Variants in ERRFI1 observed in about 807,000 individuals in gnomAD.
ERRFI1 encodes the protein ERBB receptor feedback inhibitor 1.
A neutral mutation model predicts 14.6 loss-of-function variants in ERRFI1; 12 were observed. That is an observed-to-expected ratio of 0.82 (90% CI 0.53 to 1.33). ERRFI1 has a LOEUF of 1.33. Ranked by LOEUF, ERRFI1 falls within the 40% of genes most tolerant of loss-of-function variation. The pLI, the probability that ERRFI1 is intolerant of heterozygous loss-of-function variation, is 0.00. For synonymous variants in ERRFI1, 202 were observed against 209.9 expected, an observed-to-expected ratio of 0.96 and a Z score of 0.32; for missense variants, 482 against 572.1, an observed-to-expected ratio of 0.84 and a Z score of 1.61.
intron 1 of ERRFI1, 44 bp from the exon 2 acceptor site, chr1:8,015,736 A>G: frequency 7.7e-7 from 1 of 1,294,284 alleles, no homozygotes. Flanking sequence ...ACAATTCAGA[A>G]ATACCTCCAT....
At position 8,014,193 on chromosome 1, in the gene ERRFI1, A is replaced by T. The variant is rs779170122; in HGVS notation, c.406T>A (p.Ser136Thr). Residue 136 changes from serine to threonine, a missense_variant, in exon 4 of 4, where the codon TCC becomes ACC. Coordinates refer to ENST00000377482, the MANE Select transcript of ERRFI1 (RefSeq NM_018948.4). The stretch of plus-strand genomic sequence containing the variant: ...GGGGCACAGGGGAAAAGGGAAGGGG[A>T]GTTTTTTATGGGTGTCAGTGGAGGG... ...STPPLTPIKN[S>T]PSLFPCAPLC... 1.9e-6 allele frequency: 3 copies of T among 1,613,950 alleles called. No individual in the cohort carries two copies. The East Asian group carries it at 6.7e-5, about 36-fold the overall frequency.
At position 8,013,979 on chromosome 1, in the gene ERRFI1, A is replaced by G; in HGVS notation, c.620T>C (p.Ile207Thr). ...TGGGGTATCAAAATATGCATAGTTG[A>G]TTTGTCCACACCCACGGAAGCTTCG... The part of the protein sequence containing the change: ...GRRSFRGCGQ[I>T]NYAYFDTPAV... Residue 207 changes from isoleucine (I) to threonine (T), a missense_variant, in exon 4 of 4, where the codon ATC (isoleucine) becomes ACC (threonine). Coordinates refer to ENST00000377482, the MANE Select transcript of ERRFI1 (RefSeq NM_018948.4). This position sits in a 1 kb window ranked among gnomAD's most constrained non-coding sequence, Gnocchi z 4.3. 1 of 1,614,148 alleles carries G rather than the reference A, an allele frequency of 6.2e-7. No individual in the cohort carries two copies. The highest frequency in any genetic ancestry group is 8.5e-7 in the Non-Finnish European group (1 of 1,180,026).
Position 8,013,091 on chromosome 1 carries a change from CAG to C in ERRFI1, c.*117_*118del, listed in dbSNP as rs1159313343. The stretch of plus-strand genomic sequence containing the variant: ...CTGCTCTAAACCTTCCACATGAAGA[CAG>C]AGAGTTCAACTATTTTATTTTGCAA... On this transcript the variant is annotated 3_prime_UTR_variant, in exon 4 of 4. Transcript: ENST00000377482. This position sits in a 1 kb window ranked among gnomAD's most constrained non-coding sequence, Gnocchi z 4.3. The C allele has an allele frequency of 3.2e-5, 28 of 862,324 alleles. No homozygotes were observed. The highest frequency in any genetic ancestry group is 2.2e-4 in the South Asian group (12 of 53,892). 53.4% of individuals were successfully genotyped at this position (862,324 alleles called of 1,614,324 possible).
At chr1:8,015,744 C>T in intron 1 of ERRFI1, 52 bp from the exon 2 acceptor site, 1 of 1,192,020 alleles carries the variant, frequency 8.4e-7, no homozygotes, top group Non-Finnish European at 1.2e-6. Flanking sequence ...GAAATACCTC[C>T]ATTAGGACAG....
In ERRFI1 at chr1:8,012,004, G is replaced by A. The variant is rs932113868; in HGVS notation, c.*1206C>T. The A allele has an allele frequency of 4.4e-6, 1 of 229,136 alleles. No individual in the cohort carries two copies. The highest frequency in any genetic ancestry group is 8.7e-6 in the Non-Finnish European group (1 of 115,274). 14.2% of individuals were successfully genotyped at this position (229,136 alleles called of 1,614,324 possible). On this transcript the variant is annotated 3_prime_UTR_variant, in exon 4 of 4. Coordinates refer to ENST00000377482, the MANE Select transcript of ERRFI1 (RefSeq NM_018948.4). ...TGTTAGTGAGCACCTTCTCTTCTGTGCTTATCTCTTCAAGATAAATACATG... is the reference window on the plus strand; with the variant it reads ...TGTTAGTGAGCACCTTCTCTTCTGTACTTATCTCTTCAAGATAAATACATG...
chr1:8,014,559 TAGAG>T (rs1416052829), intron 3 of ERRFI1, 163 bp from the exon 4 acceptor site: 1 of 623,542 alleles, frequency 1.6e-6, no homozygotes, highest in Non-Finnish European at 2.7e-6. Flanking sequence ...CAGGTGTAAT[TAGAG>T]AGCAGAAGAT....
rs376892066 is a variant in ERRFI1 at position 8,015,479 on chromosome 1, T to C, written c.125+16A>G. 7.4e-6 allele frequency: 12 copies of C among 1,614,146 alleles called. No individual in the cohort carries two copies. Among genetic ancestry groups the C allele is most frequent in the Non-Finnish European group, 1.0e-5 (12 of 1,179,956 alleles). On this transcript the variant is annotated intron_variant, in intron 2 of 3. Coordinates refer to ENST00000377482, the MANE Select transcript of ERRFI1 (RefSeq NM_018948.4). ...ATATTTATCCAGATTACAGCAGCAT[T>C]ACATCCTCTACTTACTTTTTAAACT...
At chr1:8,018,322 TTC>T (rs965682950) in intron 1 of ERRFI1, among the ~76,000 whole-genome samples, 1 of 132,426 alleles carries the variant, frequency 7.6e-6, no homozygotes, top group Non-Finnish European at 1.5e-5. Flanking sequence ...ACCTGAAACT[TTC>T]TCTCTCTCTA....
intron 1 of ERRFI1, among the ~76,000 whole-genome samples, chr1:8,017,026 T>C (rs1359869123): frequency 6.6e-6 from 1 of 151,990 alleles, no homozygotes; most frequent in Non-Finnish European, 1.5e-5. Context: ...AATCAGTACC[T>C]GGAACATTAG....
Position 8,011,988 on chromosome 1 carries a change from G to A in ERRFI1, c.*1222C>T. On this transcript the variant is annotated 3_prime_UTR_variant, in exon 4 of 4. Transcript: ENST00000377482. Reference sequence around the variant, plus strand: ...TGCAGTAATGTACCTCTGTTAGTGAGCACCTTCTCTTCTGTGCTTATCTCT... The same window carrying A: ...TGCAGTAATGTACCTCTGTTAGTGAACACCTTCTCTTCTGTGCTTATCTCT... 4.4e-6 allele frequency: 1 copy of A among 228,956 alleles called. No homozygotes were observed. Among genetic ancestry groups the A allele is most frequent in the East Asian group, 6.3e-5 (1 of 15,988 alleles). 14.2% of individuals were successfully genotyped at this position (228,956 alleles called of 1,614,324 possible).
intron 1 of ERRFI1, among the ~76,000 whole-genome samples, chr1:8,025,170 C>A (rs1641326314): frequency 6.6e-6 from 1 of 152,160 alleles, no homozygotes; most frequent in South Asian, 2.1e-4. Flanking sequence ...TCCATTCTGA[C>A]TTAAGTTTAT....
Position 8,013,119 on chromosome 1 carries a change from T to C in ERRFI1, c.*91A>G. ...AGAGTTCAACTATTTTATTTTGCAA[T>C]CTAAGGGATTTTTCTCTGCACTTCA... On this transcript the variant is annotated 3_prime_UTR_variant, in exon 4 of 4. Coordinates refer to ENST00000377482, the MANE Select transcript of ERRFI1 (RefSeq NM_018948.4). This position sits in a 1 kb window ranked among gnomAD's most constrained non-coding sequence, Gnocchi z 4.3. 9.0e-7 allele frequency: 1 copy of C among 1,114,248 alleles called. No individual in the cohort carries two copies. The highest frequency in any genetic ancestry group is 1.3e-6 in the Non-Finnish European group (1 of 778,260). 69.0% of individuals were successfully genotyped at this position (1,114,248 alleles called of 1,614,324 possible).
chr1:8,016,863 C>T (rs953854802), intron 1 of ERRFI1, among the ~76,000 whole-genome samples: 2 of 151,136 alleles, frequency 1.3e-5, no homozygotes, highest in South Asian at 4.2e-4. Flanking sequence ...GGGCACTGTG[C>T]AAATGTGACA....
chr1:8,012,902 C>T lies in ERRFI1; in HGVS notation c.*308G>A, dbSNP rs1569577837. On this transcript the variant is annotated 3_prime_UTR_variant, in exon 4 of 4. Transcript: ENST00000377482. ...TAATTGGTTAACCTGCAGCTATGGT[C>T]TATGGTTATACCACAAGTTTATATA... 1.1e-5 allele frequency: 4 copies of T among 350,744 alleles called. No individual in the cohort carries two copies. Among genetic ancestry groups the T allele is most frequent in the African/African-American group, 8.2e-5 (4 of 48,926 alleles). 21.7% of individuals were successfully genotyped at this position (350,744 alleles called of 1,614,324 possible).
At chr1:8,016,727 C>T (rs2124068548) in intron 1 of ERRFI1, among the ~76,000 whole-genome samples, 1 of 152,266 alleles carries the variant, frequency 6.6e-6, no homozygotes, top group East Asian at 1.9e-4. Flanking sequence ...TTGTGTAACA[C>T]TGACCCCTTT....
rs529219382 is a variant in ERRFI1, at chr1:8,025,026, T to C, written c.-74+1132A>G. On this transcript the variant is annotated intron_variant, in intron 1 of 3. Coordinates refer to ENST00000377482, the MANE Select transcript of ERRFI1 (RefSeq NM_018948.4). ...ACATTTATAAAAGGTTGAACATTTG[T>C]TCTGGAAGGGAAAAAAAGGGCATTT... is the stretch of plus-strand genomic sequence containing the variant. 1.1e-3 allele frequency among the ~76,000 whole-genome samples: 160 copies of C among 152,334 alleles called. 1 individual carries two copies. The highest frequency in any genetic ancestry group is 3.5e-3 in the African/African-American group (145 of 41,578).
At position 8,013,105 on chromosome 1, in the gene ERRFI1, A is replaced by G; in HGVS notation, c.*105T>C. ...CCACATGAAGACAGAGAGTTCAACT[A>G]TTTTATTTTGCAATCTAAGGGATTT... is the stretch of plus-strand genomic sequence containing the variant. On this transcript the variant is annotated 3_prime_UTR_variant, in exon 4 of 4. Transcript: ENST00000377482. The surrounding 1 kb of genome is among the most constrained non-coding windows in gnomAD (Gnocchi z 4.3). The G allele has an allele frequency of 1.0e-6, 1 of 971,024 alleles. No individual in the cohort carries two copies. Among genetic ancestry groups the G allele is most frequent in the Non-Finnish European group, 1.5e-6 (1 of 655,530 alleles). 60.2% of individuals were successfully genotyped at this position (971,024 alleles called of 1,614,324 possible).
chr1:8,015,359 T>G lies in ERRFI1; in HGVS notation c.151A>C (p.Thr51Pro), dbSNP rs558318143. The G allele has an allele frequency of 9.5e-5, 154 of 1,614,174 alleles. No individual in the cohort carries two copies. Among genetic ancestry groups the G allele is most frequent in the South Asian group, 2.7e-4 (25 of 91,086 alleles). Residue 51 changes from threonine to proline, a missense_variant, in exon 3 of 4, where the codon ACC (threonine) becomes CCC (proline). Physicochemically the swap from Thr to Pro is conservative, Grantham distance 38. Coordinates refer to ENST00000377482, the MANE Select transcript of ERRFI1 (RefSeq NM_018948.4). Reference protein sequence around the residue: ...KNNFLNIDPITMAYSLNSSAQ... With the variant: ...KNNFLNIDPIPMAYSLNSSAQ... ...GAAGAGTTCAGACTGTAGGCCATGGTTATCGGGTCAATATTTAAAAAGTTG... is the reference window on the plus strand; with the variant it reads ...GAAGAGTTCAGACTGTAGGCCATGGGTATCGGGTCAATATTTAAAAAGTTG...
Position 8,012,261 on chromosome 1 carries a change from T to TAAA in ERRFI1, c.*946_*948dup. 1 of 202,024 alleles carries TAAA rather than the reference T, an allele frequency of 4.9e-6. No homozygotes were observed. Among genetic ancestry groups the TAAA allele is most frequent in the Non-Finnish European group, 9.9e-6 (1 of 101,118 alleles). 12.5% of individuals were successfully genotyped at this position (202,024 alleles called of 1,614,324 possible). ...GTGTTGTATGTTTATTAATACAGTC[T>TAAA]AAAAAAAAAAAGCAAAACCACAACA... On this transcript the variant is annotated 3_prime_UTR_variant, in exon 4 of 4. Coordinates refer to ENST00000377482, the MANE Select transcript of ERRFI1 (RefSeq NM_018948.4).
Sources: gnomAD v4.1 joint callset for allele counts (sites outside exome capture counted in the v4.1 genomes callset) on GRCh38, gnomAD v4.1.1 for gene constraint, Gnocchi (gnomAD v3.1) non-coding constraint, MANE v1.5 for transcripts, NCBI Gene and HGNC (gene_info 2026-07-23, HGNC 2026-07-21) for gene names.